Variants in STK33 observed in about 807,000 individuals in gnomAD.
The protein encoded by STK33 is serine/threonine kinase 33.
A neutral mutation model predicts 58.0 loss-of-function variants in STK33; 52 were observed. The observed-to-expected ratio is 0.90, with a 90% CI of 0.72 to 1.13. STK33 has a LOEUF of 1.13. Among genes scored for constraint, STK33 ranks in the 50% most tolerant of loss-of-function variants. The probability of loss-of-function intolerance (pLI) is 0.00; values close to 1 mark genes in which losing one functional copy is unlikely to be tolerated. For missense variants in STK33, 630 were observed against 604.2 expected (o/e 1.04, Z -0.45); for synonymous variants, 215 against 200.1 (o/e 1.07, Z -0.63).
At chr11:8,511,263 G>A (rs767109025) in intron 1 of STK33, among the ~76,000 whole-genome samples, 15 of 152,018 alleles carry the variant, frequency 9.9e-5, no homozygotes, top group South Asian at 2.1e-4. Flanking sequence ...TTTTAAAAGG[G>A]ACTGAGTTCT....
intron 6 of STK33, among the ~76,000 whole-genome samples, chr11:8,469,764 T>A (rs368770041): frequency 6.6e-6 from 1 of 152,330 alleles, no homozygotes; most frequent in East Asian, 1.9e-4. Flanking sequence ...GAATGTTGTG[T>A]TAGCAGGCAT....
At chr11:8,552,784 T>C (rs12283443) in intron 1 of STK33, among the ~76,000 whole-genome samples, 12,082 of 152,084 alleles carry the variant, frequency 0.079, 1,069 homozygotes, top group African/African-American at 0.22. Flanking sequence ...GGATACCTCC[T>C]GAAGGACCTG....
chr11:8,481,686 C>T (rs1280480707), intron 1 of STK33, among the ~76,000 whole-genome samples: 1 of 152,162 alleles, frequency 6.6e-6, no homozygotes, highest in Non-Finnish European at 1.5e-5. Context: ...TGACTCCAGC[C>T]AGGCTAAATT....
chr11:8,364,678 C>T, the STK33 span, among the ~76,000 whole-genome samples: 1 of 152,176 alleles, frequency 6.6e-6, no homozygotes, highest in South Asian at 2.1e-4. Context: ...GGAATTTGTG[C>T]ATATCAGAAT....
intron 11 of STK33, among the ~76,000 whole-genome samples, chr11:8,448,035 T>G (rs963425646): frequency 6.6e-6 from 1 of 152,144 alleles, no homozygotes; most frequent in Admixed American, 6.5e-5. Context: ...CATTCACAAT[T>G]GCTACAAAGA....
intron 1 of STK33, among the ~76,000 whole-genome samples, chr11:8,523,270 G>A (rs1474700712): frequency 2.7e-5 from 4 of 150,794 alleles, no homozygotes; most frequent in African/African-American, 9.8e-5. Context: ...GGGATGTGAG[G>A]AGCCCCTCTG....
intron 1 of STK33, among the ~76,000 whole-genome samples, chr11:8,543,710 T>C (rs529234138): frequency 6.6e-6 from 1 of 152,164 alleles, no homozygotes; most frequent in Non-Finnish European, 1.5e-5. Context: ...CTATAGTCAA[T>C]AATAACTTAA....
intron 1 of STK33, among the ~76,000 whole-genome samples, chr11:8,542,852 G>A (rs1194017830): frequency 6.6e-6 from 1 of 152,034 alleles, no homozygotes; most frequent in African/African-American, 2.4e-5. Context: ...TGAGACTACA[G>A]GTACACACCA....
intron 1 of STK33, among the ~76,000 whole-genome samples, chr11:8,520,382 A>T (rs931160197): frequency 6.6e-6 from 1 of 152,212 alleles, no homozygotes; most frequent in Non-Finnish European, 1.5e-5. Flanking sequence ...CCCACAGCCA[A>T]TATCATACTG....
chr11:8,585,343 A>T (rs1037481780), intron 1 of STK33, among the ~76,000 whole-genome samples: 2 of 146,876 alleles, frequency 1.4e-5, no homozygotes, highest in Admixed American at 6.9e-5. Context: ...TCCTGCCTCA[A>T]CCTCCTGAGT....
chr11:8,472,897 G>A (rs1948913896), intron 6 of STK33, among the ~76,000 whole-genome samples: 1 of 152,168 alleles, frequency 6.6e-6, no homozygotes, highest in South Asian at 2.1e-4. Context: ...TTTCAGCAAC[G>A]GCCAAGACCT....
the STK33 span, among the ~76,000 whole-genome samples, chr11:8,348,000 T>C: frequency 6.6e-6 from 1 of 152,340 alleles, no homozygotes; most frequent in Middle Eastern, 3.4e-3. Flanking sequence ...GCTGGTCTTG[T>C]TCCCGGTCTA....
intron 12 of STK33, among the ~76,000 whole-genome samples, chr11:8,437,407 G>A (rs1944209387): frequency 6.6e-6 from 1 of 152,116 alleles, no homozygotes; most frequent in Non-Finnish European, 1.5e-5. Context: ...TCCAACATCT[G>A]AGGGCAATCC....
At chr11:8,480,660 A>G (rs1423585186) in intron 1 of STK33, 46 bp from the exon 2 acceptor site, 1 of 152,240 alleles carries the variant, frequency 6.6e-6, no homozygotes, top group Non-Finnish European at 1.5e-5. Flanking sequence ...TATTGTAAGA[A>G]AAAGGAAATA....
chr11:8,543,241 A>C lies in STK33; in HGVS notation c.-466+50842T>G, dbSNP rs557477560. On this transcript the variant is annotated intron_variant, in intron 1 of 15. Coordinates refer to ENST00000687296, the MANE Select transcript of STK33 (RefSeq NM_001352389.2). The stretch of plus-strand genomic sequence containing the variant: ...ATATTCACCATTTAATTGTCACTTA[A>C]ATCAGCAGGTGAAAACATTTCAAAT... Among the ~76,000 whole-genome samples, 4 of 152,344 alleles carry C rather than the reference A, an allele frequency of 2.6e-5. No homozygotes were observed. The South Asian group carries it at 8.3e-4, about 32-fold the overall frequency.
chr11:8,416,655 T>A (rs1428348068), intron 14 of STK33, among the ~76,000 whole-genome samples: 1 of 152,200 alleles, frequency 6.6e-6, no homozygotes, highest in South Asian at 2.1e-4. Flanking sequence ...CTGGTTCACA[T>A]ACACATACAC....
chr11:8,582,062 T>C (rs1359442466), intron 1 of STK33, among the ~76,000 whole-genome samples: 1 of 152,222 alleles, frequency 6.6e-6, no homozygotes, highest in Non-Finnish European at 1.5e-5. Context: ...TAATTGAATG[T>C]CCATACTATT....
At chr11:8,378,472 C>T in the STK33 span, among the ~76,000 whole-genome samples, 2 of 152,146 alleles carry the variant, frequency 1.3e-5, no homozygotes, top group Admixed American at 6.6e-5. Flanking sequence ...GAGTCAAGAT[C>T]GCACCATTGC....
intron 6 of STK33, among the ~76,000 whole-genome samples, chr11:8,470,964 C>A (rs2137724586): frequency 6.6e-6 from 1 of 152,316 alleles, no homozygotes; most frequent in Non-Finnish European, 1.5e-5. Context: ...TGAGCACATG[C>A]TGTTGGAAAA....
Sources: allele counts gnomAD v4.1 joint callset (sites outside exome capture counted in the v4.1 genomes callset), GRCh38; gene constraint gnomAD v4.1.1; transcripts MANE v1.5; gene names NCBI Gene and HGNC (gene_info 2026-07-23, HGNC 2026-07-21).